The following SETD5 variants were observed in gnomAD, a reference collection of about 807,000 sequenced individuals.
SETD5 encodes histone-lysine N-methyltransferase SETD5.
A neutral mutation model predicts 153.3 loss-of-function variants in SETD5; 44 were observed. That is an observed-to-expected ratio of 0.29 (90% CI 0.23 to 0.37). The LOEUF is 0.37. Among genes scored for constraint, SETD5 ranks in the 10% least tolerant of loss-of-function variants. The probability of loss-of-function intolerance (pLI) is 1.00; values close to 1 mark genes in which losing one functional copy is unlikely to be tolerated. For synonymous variants in SETD5, 716 were observed against 645.2 expected (o/e 1.11, Z -1.66); for missense variants, 1,544 against 1,768.0 (o/e 0.87, Z 2.27).
intron 1 of SETD5, among the ~76,000 whole-genome samples, chr3:9,407,993 T>C (rs1240257183): frequency 4.4e-5 from 3 of 67,440 alleles, no homozygotes. Flanking sequence ...AGAGCAAAAC[T>C]ATGTCTCAAA....
At chr3:9,433,371 G>T in intron 3 of SETD5, 3 of 1,289,768 alleles carry the variant, frequency 2.3e-6, no homozygotes, top group Non-Finnish European at 3.0e-6. Flanking sequence ...TTTCTTCAGG[G>T]TATCCTGTCT....
rs374747475 is a variant in SETD5, at chr3:9,441,749, C to T, written c.959+8C>T. ...TGGGCATTTCTTCAAAAAGTAAGAACGTCATTCATTGAGCAGTGAGGGCTA... is the reference window on the plus strand; with the variant it reads ...TGGGCATTTCTTCAAAAAGTAAGAATGTCATTCATTGAGCAGTGAGGGCTA... On this transcript the variant is annotated splice_region_variant and intron_variant, in intron 9 of 22. Coordinates refer to ENST00000402198, the MANE Select transcript of SETD5 (RefSeq NM_001080517.3). The T allele has an allele frequency of 2.3e-5, 37 of 1,613,724 alleles. No homozygotes were observed. The African/African-American group carries it at 3.6e-4, about 16-fold the overall frequency.
intron 6 of SETD5, 67 bp from the exon 7 acceptor site, chr3:9,435,661 G>T: frequency 1.4e-6 from 2 of 1,418,202 alleles, no homozygotes; most frequent in South Asian, 3.2e-5. Flanking sequence ...ACACCTAAAA[G>T]AATAAGCTAC....
chr3:9,438,766 T>C (rs1363525477), intron 7 of SETD5, among the ~76,000 whole-genome samples: 1 of 152,212 alleles, frequency 6.6e-6, no homozygotes, highest in East Asian at 1.9e-4. Flanking sequence ...GATAATTCTT[T>C]GTTGTGGAAG....
At chr3:9,445,854 A>G (rs2125245144) in intron 13 of SETD5, 114 bp downstream of exon 13, 1 of 580,486 alleles carries the variant, frequency 1.7e-6, no homozygotes, top group East Asian at 3.3e-5. Context: ...TGAAGGTTAT[A>G]ATTTGGGCTT....
At chr3:9,416,106 G>C (rs1025874358) in intron 1 of SETD5, among the ~76,000 whole-genome samples, 5 of 152,094 alleles carry the variant, frequency 3.3e-5, no homozygotes, top group African/African-American at 2.4e-5. Flanking sequence ...TTTTTGGTTT[G>C]TGACACTCAG....
chr3:9,433,886 G>T lies in SETD5; in HGVS notation c.113G>T (p.Ser38Ile), dbSNP rs775518851. The T allele has an allele frequency of 6.2e-7, 1 of 1,613,936 alleles. No homozygotes were observed. The highest frequency in any genetic ancestry group is 1.7e-5 in the Admixed American group (1 of 60,024). The change falls in exon 4 of 23, where the codon AGC becomes ATC. Residue 38 changes from serine (S) to isoleucine (I), a missense_variant. Around this residue, in one of 9 missense-constraint regions of SETD5, gnomAD observed 251 missense variants for 326.9 expected, o/e 0.77. Coordinates refer to ENST00000402198, the MANE Select transcript of SETD5 (RefSeq NM_001080517.3). ...VEASPAVNEK[S>I]VYSTHNYGTT... ...GCTAGTCCAGCAGTTAATGAGAAGAGCGTGTATTCCACTCATAATTATGGG... is the reference window on the plus strand; with the variant it reads ...GCTAGTCCAGCAGTTAATGAGAAGATCGTGTATTCCACTCATAATTATGGG...
At position 9,474,957 on chromosome 3, in the gene SETD5, AAG is replaced by A. The variant is rs1418162706; in HGVS notation, c.3632-106_3632-105del. The A allele has an allele frequency of 5.3e-6, 5 of 948,406 alleles. No homozygotes were observed. In the African/African-American group the frequency reaches 8.3e-5, roughly 16 times the overall value. 58.7% of individuals were successfully genotyped at this position (948,406 alleles called of 1,614,324 possible). A position where few individuals can be genotyped will look rare whatever the true frequency, so the allele number is the denominator to read the frequency against. On this transcript the variant is annotated intron_variant, in intron 21 of 22. Transcript: ENST00000402198. ...TGCTGCACTCACCCAATTTGTCACA[AAG>A]AGAGCAGTACGGGTTGGTGATGGCA...
chr3:9,410,369 G>A (rs970859672), intron 1 of SETD5, among the ~76,000 whole-genome samples: 2 of 152,078 alleles, frequency 1.3e-5, no homozygotes, highest in Non-Finnish European at 2.9e-5. Flanking sequence ...GTCGTTATGT[G>A]GCACATGACC....
chr3:9,419,739 T>A (rs1559370908), intron 1 of SETD5, among the ~76,000 whole-genome samples: 1 of 152,238 alleles, frequency 6.6e-6, no homozygotes, highest in African/African-American at 2.4e-5. Flanking sequence ...ATTTCTTCAT[T>A]TCTGTTTGTT....
chr3:9,450,411 A>AAT (rs2042482649), intron 16 of SETD5, among the ~76,000 whole-genome samples: 1 of 152,220 alleles, frequency 6.6e-6, no homozygotes, highest in South Asian at 2.1e-4. Flanking sequence ...AGGATCTTTA[A>AAT]AAACTGTTTA....
At chr3:9,459,882 T>TA (rs2043742206) in intron 17 of SETD5, among the ~76,000 whole-genome samples, 1 of 152,134 alleles carries the variant, frequency 6.6e-6, no homozygotes, top group Non-Finnish European at 1.5e-5. Flanking sequence ...AATTTAATGA[T>TA]AAAATAACAT....
chr3:9,464,390 G>T (rs769174603), intron 17 of SETD5, 35 bp from the exon 18 acceptor site: 49 of 1,590,136 alleles, frequency 3.1e-5, no homozygotes, highest in Non-Finnish European at 4.1e-5. Flanking sequence ...TTAATCTGTG[G>T]TTTCAAACTC....
chr3:9,432,626 A>G (rs1240691287), intron 3 of SETD5, among the ~76,000 whole-genome samples: 1 of 152,182 alleles, frequency 6.6e-6, no homozygotes, highest in Non-Finnish European at 1.5e-5. Context: ...TATATTTTTG[A>G]ATTACCCTTC....
chr3:9,452,143 T>G (rs1413050660), intron 16 of SETD5, among the ~76,000 whole-genome samples: 1 of 152,218 alleles, frequency 6.6e-6, no homozygotes. Context: ...ACTCCTGTTC[T>G]GATTTTATGT....
chr3:9,408,390 C>T (rs1336845250), intron 1 of SETD5, among the ~76,000 whole-genome samples: 1 of 152,058 alleles, frequency 6.6e-6, no homozygotes, highest in Non-Finnish European at 1.5e-5. Context: ...TTAAAAACTC[C>T]AATTACTACA....
At chr3:9,422,356 T>G (rs1023406141) in intron 1 of SETD5, among the ~76,000 whole-genome samples, 2 of 152,204 alleles carry the variant, frequency 1.3e-5, no homozygotes, top group Non-Finnish European at 2.9e-5. Flanking sequence ...TTATCTACTT[T>G]CAAAAATATC....
At chr3:9,414,848 C>T (rs577568956) in intron 1 of SETD5, among the ~76,000 whole-genome samples, 1 of 150,098 alleles carries the variant, frequency 6.7e-6, no homozygotes, top group Non-Finnish European at 1.5e-5. Context: ...TTATTGGTTA[C>T]TGAGTATTGG....
At chr3:9,453,535 C>G (rs143152059) in intron 16 of SETD5, among the ~76,000 whole-genome samples, 4 of 152,184 alleles carry the variant, frequency 2.6e-5, no homozygotes, top group Non-Finnish European at 5.9e-5. Context: ...TATATGTAAT[C>G]CAGATTTCCT....
Sources: allele counts gnomAD v4.1 joint callset (sites outside exome capture counted in the v4.1 genomes callset), GRCh38; gene constraint gnomAD v4.1.1; regional missense constraint gnomAD v4.1.1; transcripts MANE v1.5; gene names NCBI Gene and HGNC (gene_info 2026-07-23, HGNC 2026-07-21).